MIA2: variants seen among roughly 807,000 people sequenced by gnomAD.
MIA2 encodes MIA SH3 domain ER export factor 2.
A neutral mutation model predicts 167.8 loss-of-function variants in MIA2; 127 were observed. The observed-to-expected ratio is 0.76, with a 90% CI of 0.66 to 0.88. The LOEUF (loss-of-function observed/expected upper bound fraction) is 0.88, where lower values mean the gene tolerates loss of function less well. Ranked by LOEUF, MIA2 falls within the 40% of genes least tolerant of loss-of-function variation. The pLI is 0.00. For synonymous variants in MIA2, 552 were observed against 541.9 expected, an observed-to-expected ratio of 1.02 and a Z score of -0.26; for missense variants, 1,690 against 1,624.7, an observed-to-expected ratio of 1.04 and a Z score of -0.69.
intron 20 of MIA2, chr14:39,315,232 G>A (rs1190853579): frequency 1.3e-5 from 2 of 158,702 alleles, no homozygotes; most frequent in Non-Finnish European, 2.7e-5. Flanking sequence ...GAACCCTGGA[G>A]GCAGAGGTTG....
intron 18 of MIA2, among the ~76,000 whole-genome samples, chr14:39,311,652 A>AT (rs34637973): frequency 0.27 from 39,940 of 148,368 alleles, 5,516 homozygotes; most frequent in East Asian, 0.5. Context: ...TTATTTATTT[A>AT]TTTTTTTTTG....
chr14:39,247,042 A>C lies in MIA2; in HGVS notation c.468A>C (p.Glu156Asp), dbSNP rs1395409674. The C allele has an allele frequency of 6.2e-7, 1 of 1,603,284 alleles. No homozygotes were observed. Among genetic ancestry groups the C allele is most frequent in the Admixed American group, 1.8e-5 (1 of 57,042 alleles). Residue 156 changes from glutamate to aspartate, a missense_variant, in exon 4 of 29, where the codon GAA (glutamate) becomes GAC (aspartate). Glu to Asp is a conservative substitution (Grantham distance 45). Transcript: ENST00000640607. ...AAGATGAAAAATCTAGTATATATGA[A>C]AGTGATTTTCAGATAGAACCTGGAT... ...EDKDEKSSIY[E>D]SDFQIEPGFY...
At chr14:39,254,684 A>C (rs2054736007) in intron 6 of MIA2, among the ~76,000 whole-genome samples, 1 of 152,202 alleles carries the variant, frequency 6.6e-6, no homozygotes, top group South Asian at 2.1e-4. Context: ...TTTCAAGAAA[A>C]GCTGGAAATC....
At chr14:39,326,810 A>G in intron 24 of MIA2, 54 bp from the exon 25 acceptor site, 1 of 1,495,896 alleles carries the variant, frequency 6.7e-7, no homozygotes, top group Non-Finnish European at 9.0e-7. Context: ...TAAAACAAGT[A>G]TATAAGACTT....
chr14:39,238,811 A>AAAAAAAACAAAACAAAAAAC, intron 2 of MIA2, among the ~76,000 whole-genome samples: 7 of 103,634 alleles, frequency 6.8e-5, no homozygotes, highest in East Asian at 2.8e-4. Context: ...AAAAAAAAAA[A>AAAAAAAACAAAACAAAAAAC]CCCAAAAAAC....
chr14:39,375,381 T>C (rs1447233571), intron 23 of MIA2, among the ~76,000 whole-genome samples: 1 of 152,194 alleles, frequency 6.6e-6, no homozygotes, highest in Admixed American at 6.6e-5. Context: ...TTAGAAACGT[T>C]GTAAAATGAG....
chr14:39,277,928 C>CT (rs948875091), intron 7 of MIA2, among the ~76,000 whole-genome samples: 20 of 151,034 alleles, frequency 1.3e-4, no homozygotes, highest in African/African-American at 4.9e-4. Context: ...GTAGTTGGGA[C>CT]TACACAGGTC....
chr14:39,342,479 C>T (rs2072169182), intron 25 of MIA2, among the ~76,000 whole-genome samples: 1 of 152,104 alleles, frequency 6.6e-6, no homozygotes, highest in African/African-American at 2.4e-5. Flanking sequence ...CATATGTGTG[C>T]ATGTGTCTTT....
At chr14:39,296,605 C>CTTTTTTTTTTTTTTTAATTTTTTTTT (rs2061457103) in intron 13 of MIA2, among the ~76,000 whole-genome samples, 1 of 138,690 alleles carries the variant, frequency 7.2e-6, no homozygotes, top group Non-Finnish European at 1.5e-5. Flanking sequence ...CTTTTCTTTT[C>CTTTTTTTTTTTTTTTAATTTTTTTTT]TTTTTTTTTT....
At chr14:39,373,448 A>G (rs956592707) in intron 23 of MIA2, among the ~76,000 whole-genome samples, 1 of 150,850 alleles carries the variant, frequency 6.6e-6, no homozygotes, top group Admixed American at 6.6e-5. Flanking sequence ...TGAAAGATAA[A>G]AGAATAAAAG....
chr14:39,349,029 G>T, intron 28 of MIA2, 52 bp downstream of exon 28: 1 of 1,561,880 alleles, frequency 6.4e-7, no homozygotes, highest in Non-Finnish European at 8.8e-7. Context: ...TTTATTAATC[G>T]GAGATTTAAT....
rs113164904 is a variant in MIA2 at position 39,300,693 on chromosome 14, G to A, written c.2619+707G>A. ...GGGGTGGGGGGAGGGGGGAGGGATAGCATTAGGAGATATACCTAATGTAAA... is the reference window on the plus strand; with the variant it reads ...GGGGTGGGGGGAGGGGGGAGGGATAACATTAGGAGATATACCTAATGTAAA... On this transcript the variant is annotated intron_variant, in intron 14 of 28. Coordinates refer to ENST00000640607, the MANE Select transcript of MIA2 (RefSeq NM_001329214.4). 3.6e-3 allele frequency among the ~76,000 whole-genome samples: 530 copies of A among 148,960 alleles called. 4 individuals carry two copies. Among genetic ancestry groups the A allele is most frequent in the African/African-American group, 0.012 (483 of 40,394 alleles).
chr14:39,238,793 C>CAAAAAAAAAAAAAAAAAAAAAAAAAA lies in MIA2; in HGVS notation c.250-1750_250-1749insAAAAAAAAAAAAAAAAAAAAAAAAAA, dbSNP rs769534317. On this transcript the variant is annotated intron_variant, in intron 2 of 28. Coordinates refer to ENST00000640607, the MANE Select transcript of MIA2 (RefSeq NM_001329214.4). ...TGGGTTACAAAGTGAGACCCTGTCT[C>CAAAAAAAAAAAAAAAAAAAAAAAAAA]AAAAAAAAAAAAAAAAAACCCAAAA... 4.2e-4 allele frequency among the ~76,000 whole-genome samples: 13 copies of CAAAAAAAAAAAAAAAAAAAAAAAAAA among 30,794 alleles called. 1 individual carries two copies. Among genetic ancestry groups the CAAAAAAAAAAAAAAAAAAAAAAAAAA allele is most frequent in the East Asian group, 1.8e-3 (1 of 562 alleles). 20.2% of individuals were successfully genotyped at this position (30,794 alleles called of 152,430 possible). A position where few individuals can be genotyped will look rare whatever the true frequency, so the allele number is the denominator to read the frequency against.
rs1410071693 is a variant in MIA2, at chr14:39,237,067, C to G, written c.249+12C>G. 6.2e-7 allele frequency: 1 copy of G among 1,608,510 alleles called. No homozygotes were observed. ...TGTGGGCAGGAAGTGTAAGTAACTA[C>G]TTTTAAAAATTGAATGCAGAATAAA... On this transcript the variant is annotated intron_variant, in intron 2 of 28. Coordinates refer to ENST00000640607, the MANE Select transcript of MIA2 (RefSeq NM_001329214.4).
At chr14:39,313,628 A>C (rs980097396) in intron 19 of MIA2, among the ~76,000 whole-genome samples, 187 bp downstream of exon 19, 1 of 152,206 alleles carries the variant, frequency 6.6e-6, no homozygotes, top group Admixed American at 6.5e-5. Flanking sequence ...TTGAGCAATT[A>C]TACAGAAAAT....
intron 23 of MIA2, among the ~76,000 whole-genome samples, chr14:39,320,441 T>A (rs1359290325): frequency 1.3e-5 from 2 of 152,160 alleles, no homozygotes; most frequent in Non-Finnish European, 2.9e-5. Context: ...TCAGAGTATT[T>A]TATGCATTTT....
At position 39,247,521 on chromosome 14, in the gene MIA2, G is replaced by A. The variant is rs865955589; in HGVS notation, c.947G>A (p.Ser316Asn). 4.3e-6 allele frequency: 7 copies of A among 1,613,912 alleles called. No homozygotes were observed. The Admixed American group carries it at 1.0e-4, about 23-fold the overall frequency. Reference sequence around the variant, plus strand: ...GGTTGGTTTGGTGGAGGATTTACAAGTTATTTAGGTTTTGGAGATGAGGAT... The same window carrying A: ...GGTTGGTTTGGTGGAGGATTTACAAATTATTTAGGTTTTGGAGATGAGGAT... ...STGWFGGGFT[S>N]YLGFGDEDTG... Residue 316 changes from serine (S) to asparagine (N), a missense_variant, in exon 4 of 29, where the codon AGT becomes AAT. By Grantham distance (46) the Ser-to-Asn change is conservative. Coordinates refer to ENST00000640607, the MANE Select transcript of MIA2 (RefSeq NM_001329214.4).
At chr14:39,367,174 G>T (rs963578402) in intron 23 of MIA2, among the ~76,000 whole-genome samples, 1 of 152,212 alleles carries the variant, frequency 6.6e-6, no homozygotes, top group Non-Finnish European at 1.5e-5. Flanking sequence ...CCTCCCTTGT[G>T]TGCTACAGTG....
intron 6 of MIA2, 61 bp from the exon 7 acceptor site, chr14:39,276,873 T>C (rs2058075893): frequency 6.3e-7 from 1 of 1,579,534 alleles, no homozygotes; most frequent in African/African-American, 1.4e-5. Flanking sequence ...GTACCTATGT[T>C]TGTAATCAAT....
Sources: gnomAD v4.1 joint callset for allele counts (sites outside exome capture counted in the v4.1 genomes callset) on GRCh38, gnomAD v4.1.1 for gene constraint, MANE v1.5 for transcripts, NCBI Gene and HGNC (gene_info 2026-07-23, HGNC 2026-07-21) for gene names.